PKN2: variants seen among roughly 807,000 people sequenced by gnomAD.
PKN2 encodes protein kinase N2, also known as serine/threonine-protein kinase N2.
A neutral mutation model predicts 119.1 loss-of-function variants in PKN2; 38 were observed. That is an observed-to-expected ratio of 0.32 (90% CI 0.25 to 0.42). PKN2 has a LOEUF of 0.42. Ranked by LOEUF, PKN2 falls within the 10% of genes least tolerant of loss-of-function variation. PKN2 has a pLI of 1.00. For synonymous variants in PKN2, 390 were observed against 384.9 expected, an observed-to-expected ratio of 1.01 and a Z score of -0.15; for missense variants, 850 against 1,165.1, an observed-to-expected ratio of 0.73 and a Z score of 3.94.
intron 8 of PKN2, among the ~76,000 whole-genome samples, chr1:88,794,338 G>A: frequency 6.7e-6 from 1 of 149,322 alleles, no homozygotes; most frequent in African/African-American, 2.5e-5. Context: ...TTGCACTCCA[G>A]CCTGGGCAAC....
At position 88,769,404 on chromosome 1, in the gene PKN2, A is replaced by G. The variant is rs112340299; in HGVS notation, c.505-948A>G. Reference sequence around the variant, plus strand: ...GTTTTTAGTTTAGGTTTAATCATGGAGGCATTTATTTCATACTATGTTTCT... The same window carrying G: ...GTTTTTAGTTTAGGTTTAATCATGGGGGCATTTATTTCATACTATGTTTCT... On this transcript the variant is annotated intron_variant, in intron 3 of 21. Transcript: ENST00000370521. Among the ~76,000 whole-genome samples, 1,510 of 152,240 alleles carry G rather than the reference A, an allele frequency of 9.9e-3. 20 individuals carry two copies. Among genetic ancestry groups the G allele is most frequent in the African/African-American group, 0.034 (1,424 of 41,540 alleles).
intron 1 of PKN2, among the ~76,000 whole-genome samples, chr1:88,709,299 C>A (rs1391240962): frequency 6.6e-6 from 1 of 152,124 alleles, no homozygotes; most frequent in Non-Finnish European, 1.5e-5. Flanking sequence ...TAGTAATCCA[C>A]CTGCCTTAGC....
chr1:88,807,754 TG>T lies in PKN2; in HGVS notation c.2083del (p.Ala695LeufsTer5). 1 of 1,592,320 alleles carries T rather than the reference TG, an allele frequency of 6.3e-7. No homozygotes were observed. Among genetic ancestry groups the T allele is most frequent in the Non-Finnish European group, 8.6e-7 (1 of 1,165,982 alleles). On this transcript the variant is annotated frameshift_variant, in exon 15 of 22. Transcript: ENST00000370521. LOFTEE classifies it high-confidence loss of function. Reference sequence around the variant, plus strand: ...AAAGCCTTAAAGAAAGGAGATATTGTGGCTCGAGATGAAGTAGACAGGTTAG... The same window carrying T: ...AAAGCCTTAAAGAAAGGAGATATTGTGCTCGAGATGAAGTAGACAGGTTAG... ...AIKALKKGDI[V>X]ARDEVDSLMC... is the part of the protein sequence containing the mutation.
chr1:88,827,664 G>A (rs1377248669), intron 18 of PKN2, among the ~76,000 whole-genome samples: 24 of 63,132 alleles, frequency 3.8e-4, no homozygotes, highest in African/African-American at 1.6e-3. Context: ...CTCCCCTCCC[G>A]TCCCCTCCTC....
At chr1:88,778,174 C>G (rs1041221968) in intron 6 of PKN2, among the ~76,000 whole-genome samples, 1 of 152,188 alleles carries the variant, frequency 6.6e-6, no homozygotes, top group South Asian at 2.1e-4. Context: ...CAAGCTGTAA[C>G]CCAACCACCT....
chr1:88,744,367 A>G (rs772670061), intron 2 of PKN2, among the ~76,000 whole-genome samples: 9 of 152,268 alleles, frequency 5.9e-5, no homozygotes, highest in Admixed American at 2.0e-4. Flanking sequence ...AAGAGGGACA[A>G]AATTTAAGTC....
intron 1 of PKN2, among the ~76,000 whole-genome samples, chr1:88,713,860 A>G (rs1391987678): frequency 6.6e-6 from 1 of 152,170 alleles, no homozygotes; most frequent in African/African-American, 2.4e-5. Context: ...GCCCATGCCT[A>G]TGTCCTGAAT....
intron 1 of PKN2, among the ~76,000 whole-genome samples, chr1:88,723,701 T>C (rs1046505745): frequency 2.6e-5 from 4 of 152,150 alleles, no homozygotes; most frequent in Non-Finnish European, 5.9e-5. Flanking sequence ...AATCCAGGTA[T>C]CCTTTTTATG....
At chr1:88,784,592 T>C (rs761947832) in intron 6 of PKN2, 47 bp from the exon 7 acceptor site, 12 of 1,173,564 alleles carry the variant, frequency 1.0e-5, no homozygotes, top group African/African-American at 1.6e-5. Flanking sequence ...AAGGATTCCA[T>C]AGATTAAGGG....
chr1:88,765,282 C>CA (rs60307008), intron 3 of PKN2, among the ~76,000 whole-genome samples: 2,623 of 128,238 alleles, frequency 0.02, 59 homozygotes, highest in Non-Finnish European at 0.032. Context: ...GACTTCATCT[C>CA]AAAAAAAAAA....
At position 88,803,324 on chromosome 1, in the gene PKN2, T is replaced by C. The variant is rs563135605; in HGVS notation, c.1282-1067T>C. Among the ~76,000 whole-genome samples, 6 of 152,336 alleles carry C rather than the reference T, an allele frequency of 3.9e-5. No individual in the cohort carries two copies. The South Asian group carries it at 1.0e-3, about 26-fold the overall frequency. On this transcript the variant is annotated intron_variant, in intron 8 of 21. Transcript: ENST00000370521. Reference sequence around the variant, plus strand: ...AACTAGATATATAATTTAAGGTCAATAGATTTTTTTTTACTGTTTATACCA... The same window carrying C: ...AACTAGATATATAATTTAAGGTCAACAGATTTTTTTTTACTGTTTATACCA...
intron 2 of PKN2, among the ~76,000 whole-genome samples, chr1:88,750,898 C>T (rs1220963099): frequency 1.3e-4 from 20 of 152,064 alleles, no homozygotes; most frequent in Admixed American, 1.2e-3. Flanking sequence ...ATTGCCACAG[C>T]GTACAAGTTC....
chr1:88,713,637 C>T (rs914466055), intron 1 of PKN2, among the ~76,000 whole-genome samples: 9 of 149,000 alleles, frequency 6.0e-5, no homozygotes, highest in Non-Finnish European at 1.3e-4. Context: ...TGATTTTTTT[C>T]TTGTAAATTT....
chr1:88,787,184 T>C (rs1670614326), intron 8 of PKN2, among the ~76,000 whole-genome samples: 2 of 151,988 alleles, frequency 1.3e-5, no homozygotes, highest in South Asian at 2.1e-4. Flanking sequence ...GTTTGAAGTA[T>C]GGCTATGAAT....
intron 16 of PKN2, among the ~76,000 whole-genome samples, 174 bp downstream of exon 16, chr1:88,813,907 T>TA (rs2100896378): frequency 6.6e-6 from 1 of 152,328 alleles, no homozygotes; most frequent in East Asian, 1.9e-4. Flanking sequence ...TGTATTCTGT[T>TA]GTCTGTGTTG....
At chr1:88,739,492 C>T (rs1668491814) in intron 1 of PKN2, among the ~76,000 whole-genome samples, 1 of 152,114 alleles carries the variant, frequency 6.6e-6, no homozygotes, top group Non-Finnish European at 1.5e-5. Flanking sequence ...AAAGTACTTG[C>T]ATCAACTTAT....
At chr1:88,702,084 G>A (rs1372425362) in intron 1 of PKN2, among the ~76,000 whole-genome samples, 3 of 151,996 alleles carry the variant, frequency 2.0e-5, no homozygotes, top group East Asian at 1.9e-4. Context: ...TCAGCCTCCC[G>A]AGTAGCTGGG....
intron 8 of PKN2, among the ~76,000 whole-genome samples, chr1:88,799,143 G>T (rs1316476209): frequency 6.6e-6 from 1 of 152,226 alleles, no homozygotes; most frequent in Non-Finnish European, 1.5e-5. Context: ...GGAAGCAGTT[G>T]TGCATAGTTG....
chr1:88,738,602 GT>G (rs574958723), intron 1 of PKN2, among the ~76,000 whole-genome samples: 606 of 152,314 alleles, frequency 4.0e-3, no homozygotes, highest in Non-Finnish European at 6.7e-3. Flanking sequence ...AAAGTGTTAG[GT>G]ATTTCTTCTG....
Sources: allele counts gnomAD v4.1 joint callset (sites outside exome capture counted in the v4.1 genomes callset), GRCh38; gene constraint gnomAD v4.1.1; transcripts MANE v1.5; gene names NCBI Gene and HGNC (gene_info 2026-07-23, HGNC 2026-07-21).